HS3ST5: variants seen among roughly 807,000 people sequenced by gnomAD.
HS3ST5 encodes heparan sulfate glucosamine 3-O-sulfotransferase 5.
HS3ST5 carries 10 observed loss-of-function variants against 25.4 expected under a neutral mutation model. The observed-to-expected ratio is 0.39, with a 90% CI of 0.24 to 0.67. The LOEUF is 0.67. Ranked by LOEUF, HS3ST5 falls within the 30% of genes least tolerant of loss-of-function variation. The pLI is 0.44. For missense variants in HS3ST5, 324 were observed against 420.7 expected, an observed-to-expected ratio of 0.77 and a Z score of 2.01; for synonymous variants, 170 against 162.4, an observed-to-expected ratio of 1.05 and a Z score of -0.36.
At chr6:114,222,599 G>T (rs1432128147) in intron 2 of HS3ST5, among the ~76,000 whole-genome samples, 3 of 151,778 alleles carry the variant, frequency 2.0e-5, no homozygotes, top group Non-Finnish European at 3.0e-5. Context: ...ATTAAATTTG[G>T]CTATGTTGAT....
intron 1 of HS3ST5, among the ~76,000 whole-genome samples, chr6:114,318,946 C>A (rs989693162): frequency 3.3e-5 from 5 of 152,096 alleles, no homozygotes; most frequent in Non-Finnish European, 5.9e-5. Context: ...CAAGGAGACA[C>A]AAAATGTAGG....
At chr6:114,135,701 G>A (rs925623608) in intron 3 of HS3ST5, among the ~76,000 whole-genome samples, 12 of 152,222 alleles carry the variant, frequency 7.9e-5, no homozygotes, top group Admixed American at 3.3e-4. Context: ...TCTTCTTCCC[G>A]TGACGTTTAT....
At chr6:114,310,380 A>G (rs1775478463) in intron 1 of HS3ST5, among the ~76,000 whole-genome samples, 1 of 152,202 alleles carries the variant, frequency 6.6e-6, no homozygotes, top group Admixed American at 6.5e-5. Flanking sequence ...ACAAATAATT[A>G]TGCTTATCTG....
chr6:114,077,727 A>G (rs1774221058), intron 3 of HS3ST5, among the ~76,000 whole-genome samples: 1 of 152,210 alleles, frequency 6.6e-6, no homozygotes, highest in Admixed American at 6.5e-5. Flanking sequence ...AATCAAAGGT[A>G]GTATTCACTA....
intron 3 of HS3ST5, among the ~76,000 whole-genome samples, chr6:114,118,174 A>G (rs987895466): frequency 9.2e-5 from 14 of 152,162 alleles, no homozygotes; most frequent in Admixed American, 2.0e-4. Flanking sequence ...ACCAGTCCTC[A>G]AGGCAGATGA....
At chr6:114,157,913 T>C (rs996538471) in intron 3 of HS3ST5, among the ~76,000 whole-genome samples, 5 of 152,178 alleles carry the variant, frequency 3.3e-5, no homozygotes, top group Non-Finnish European at 1.5e-5. Flanking sequence ...TTGAAATCTT[T>C]CTGTTCTCTA....
intron 3 of HS3ST5, among the ~76,000 whole-genome samples, chr6:114,068,984 T>C (rs1430733273): frequency 1.3e-5 from 2 of 152,118 alleles, no homozygotes; most frequent in Non-Finnish European, 2.9e-5. Flanking sequence ...TGTTTCTCTA[T>C]AGCAGCACTA....
chr6:114,289,366 G>A (rs1774473282), intron 1 of HS3ST5, among the ~76,000 whole-genome samples: 1 of 151,996 alleles, frequency 6.6e-6, no homozygotes. Flanking sequence ...CAAGAAACAT[G>A]AAAATATTAT....
intron 1 of HS3ST5, among the ~76,000 whole-genome samples, chr6:114,339,893 A>T (rs534487003): frequency 6.6e-6 from 1 of 152,226 alleles, no homozygotes. Flanking sequence ...TACTCTGGGC[A>T]AGATGCTGCT....
chr6:114,089,812 C>T (rs1275222422), intron 3 of HS3ST5, among the ~76,000 whole-genome samples: 1 of 152,252 alleles, frequency 6.6e-6, no homozygotes, highest in Non-Finnish European at 1.5e-5. Context: ...CTCATGATCT[C>T]AGTCTCCCCA....
rs1278757604 is a variant in HS3ST5 at position 114,057,059 on chromosome 6, G to A, written c.*198C>T. On this transcript the variant is annotated 3_prime_UTR_variant, in exon 5 of 5. Coordinates refer to ENST00000312719, the MANE Select transcript of HS3ST5 (RefSeq NM_153612.4). ...TAAATAGCTTAAAAGATGCGACTAT[G>A]CAGACAGCAATTTTTTTTTTTTCGT... 2 of 514,104 alleles carry A rather than the reference G, an allele frequency of 3.9e-6. No homozygotes were observed. The highest frequency in any genetic ancestry group is 6.8e-6 in the Non-Finnish European group (2 of 294,648). 31.8% of individuals were successfully genotyped at this position (514,104 alleles called of 1,614,324 possible).
intron 3 of HS3ST5, among the ~76,000 whole-genome samples, chr6:114,080,360 G>A (rs1330426210): frequency 1.3e-5 from 2 of 152,086 alleles, no homozygotes; most frequent in Non-Finnish European, 2.9e-5. Context: ...TGTTTAAAAC[G>A]CTTTTTATTT....
chr6:114,279,949 A>G (rs1049061861), intron 1 of HS3ST5, among the ~76,000 whole-genome samples: 1 of 151,996 alleles, frequency 6.6e-6, no homozygotes, highest in Admixed American at 6.6e-5. Flanking sequence ...TCCCATACAG[A>G]TCAGAAATGG....
At chr6:114,219,135 C>G (rs1446280477) in intron 2 of HS3ST5, among the ~76,000 whole-genome samples, 2 of 152,188 alleles carry the variant, frequency 1.3e-5, no homozygotes, top group East Asian at 3.8e-4. Flanking sequence ...AAATGTGGTG[C>G]CCCAAGGCAC....
intron 2 of HS3ST5, among the ~76,000 whole-genome samples, chr6:114,210,804 A>G (rs1781483597): frequency 6.6e-6 from 1 of 152,208 alleles, no homozygotes; most frequent in East Asian, 1.9e-4. Flanking sequence ...TTTCTACGTA[A>G]ATTGAGACAA....
intron 3 of HS3ST5, among the ~76,000 whole-genome samples, chr6:114,106,013 C>T (rs1775975028): frequency 6.6e-6 from 1 of 152,086 alleles, no homozygotes; most frequent in Non-Finnish European, 1.5e-5. Flanking sequence ...TCGATTTGGG[C>T]TCAACAAATC....
chr6:114,194,122 T>C (rs140788335), intron 2 of HS3ST5, among the ~76,000 whole-genome samples: 11 of 152,302 alleles, frequency 7.2e-5, no homozygotes, highest in Middle Eastern at 3.4e-3. Context: ...CAAGTTATCA[T>C]TCGTGCTGGA....
chr6:114,124,952 A>G (rs1413917657), intron 3 of HS3ST5, among the ~76,000 whole-genome samples: 3 of 152,266 alleles, frequency 2.0e-5, no homozygotes, highest in East Asian at 3.9e-4. Flanking sequence ...GGCATAAGCA[A>G]TTTGCCTAGG....
chr6:114,285,108 T>A (rs1257554073), intron 1 of HS3ST5, among the ~76,000 whole-genome samples: 3 of 152,076 alleles, frequency 2.0e-5, no homozygotes, highest in Non-Finnish European at 4.4e-5. Context: ...TTGAAGAATA[T>A]TAGCATTGGA....
Sources: allele counts gnomAD v4.1 joint callset (sites outside exome capture counted in the v4.1 genomes callset), GRCh38; gene constraint gnomAD v4.1.1; transcripts MANE v1.5; gene names NCBI Gene and HGNC (gene_info 2026-07-23, HGNC 2026-07-21).